CEP70: variants seen among roughly 807,000 people sequenced by gnomAD.
The protein encoded by CEP70 is centrosomal protein 70.
In CEP70, 70 loss-of-function variants were observed where a neutral mutation model predicts 90.9. That is an observed-to-expected ratio of 0.77 (90% CI 0.64 to 0.94). The LOEUF is 0.94. Among genes scored for constraint, CEP70 ranks in the 40% least tolerant of loss-of-function variants. The probability of loss-of-function intolerance (pLI) is 0.00; values close to 1 mark genes in which losing one functional copy is unlikely to be tolerated. For missense variants in CEP70, 648 were observed against 669.0 expected (o/e 0.97, Z 0.35); for synonymous variants, 220 against 228.3 (o/e 0.96, Z 0.33).
intron 12 of CEP70, among the ~76,000 whole-genome samples, chr3:138,507,707 T>G (rs1389316662): frequency 4.6e-5 from 7 of 152,136 alleles, no homozygotes; most frequent in Non-Finnish European, 8.8e-5. Flanking sequence ...ATGAGTGACG[T>G]AAGGATGAAT....
rs1354846107 is a variant in CEP70 at position 138,498,046 on chromosome 3, G to C, written c.1717C>G (p.Leu573Val). 1 of 1,612,576 alleles carries C rather than the reference G, an allele frequency of 6.2e-7. No individual in the cohort carries two copies. The highest frequency in any genetic ancestry group is 2.2e-5 in the East Asian group (1 of 44,764). Residue 573 changes from leucine to valine, a missense_variant, in exon 17 of 18, where the codon CTA becomes GTA. Coordinates refer to ENST00000264982, the MANE Select transcript of CEP70 (RefSeq NM_024491.4). ...FPAFQAFTND[L>V]LEILEIDDLD... is the part of the protein sequence containing the mutation. Reference sequence around the variant, plus strand: ...GAGATCTTACCTAAGATTTCAAGTAGATCATTAGTAAATGCCTGAAATGCT... The same window carrying C: ...GAGATCTTACCTAAGATTTCAAGTACATCATTAGTAAATGCCTGAAATGCT...
intron 11 of CEP70, among the ~76,000 whole-genome samples, chr3:138,523,680 C>T (rs1327618421): frequency 2.6e-5 from 4 of 152,082 alleles, no homozygotes; most frequent in African/African-American, 9.7e-5. Flanking sequence ...ACGTGAAGGA[C>T]CTCTTCAAGG....
At chr3:138,580,378 T>C (rs1159930145) in intron 2 of CEP70, among the ~76,000 whole-genome samples, 2 of 152,104 alleles carry the variant, frequency 1.3e-5, no homozygotes, top group Non-Finnish European at 2.9e-5. Flanking sequence ...TGCCTGGTAA[T>C]CCAAAGAATT....
intron 12 of CEP70, among the ~76,000 whole-genome samples, chr3:138,507,930 G>A (rs1474053476): frequency 2.0e-5 from 3 of 152,256 alleles, no homozygotes; most frequent in East Asian, 3.9e-4. Flanking sequence ...TAAAATGTGA[G>A]TGAAAGTCCA....
At position 138,500,877 on chromosome 3, in the gene CEP70, A is replaced by C; in HGVS notation, c.1226T>G (p.Leu409Trp). The change falls in exon 14 of 18, where the codon TTG becomes TGG. Residue 409 changes from leucine to tryptophan, a missense_variant. Coordinates refer to ENST00000264982, the MANE Select transcript of CEP70 (RefSeq NM_024491.4). ...AGATAGTGTTTTCAAGGACTTATAC[A>C]AATCCTTTATAACAAAAGAAACTAT... ...WADQLTSLKD[L>W]YKSLKTLSAE... 6.6e-7 allele frequency: 1 copy of C among 1,515,540 alleles called. No homozygotes were observed. Among genetic ancestry groups the C allele is most frequent in the East Asian group, 2.4e-5 (1 of 42,270 alleles). The allele number at this position is 1,515,540 out of a possible 1,614,324, so 93.9% of individuals were successfully genotyped here. A position where few individuals can be genotyped will look rare whatever the true frequency, so the allele number is the denominator to read the frequency against.
chr3:138,557,146 G>A (rs2040071490), intron 6 of CEP70, among the ~76,000 whole-genome samples: 1 of 152,170 alleles, frequency 6.6e-6, no homozygotes, highest in Admixed American at 6.5e-5. Flanking sequence ...AAAGAATTCA[G>A]TGATATTTCT....
rs771204790 is a variant in CEP70 at position 138,537,349 on chromosome 3, TATAAG to T, written c.466-7_466-3del. On this transcript the variant is annotated splice_polypyrimidine_tract_variant and splice_region_variant and intron_variant, in intron 6 of 17. Coordinates refer to ENST00000264982, the MANE Select transcript of CEP70 (RefSeq NM_024491.4). ...TTTCTTATAATGCTGGCACTTCACC[TATAAG>T]ATATTTTTTAAAAACATGATTATGA... The T allele has an allele frequency of 6.4e-6, 10 of 1,568,126 alleles. No individual in the cohort carries two copies. In the Admixed American group the frequency reaches 9.7e-5, roughly 15 times the overall value.
intron 2 of CEP70, among the ~76,000 whole-genome samples, chr3:138,585,116 A>G (rs1163282637): frequency 1.3e-5 from 2 of 152,158 alleles, no homozygotes; most frequent in Non-Finnish European, 2.9e-5. Flanking sequence ...CCTTGTTTGC[A>G]GGTGACATGA....
At chr3:138,528,039 T>C (rs932564021) in intron 10 of CEP70, among the ~76,000 whole-genome samples, 1 of 151,116 alleles carries the variant, frequency 6.6e-6, no homozygotes, top group Non-Finnish European at 1.5e-5. Context: ...ACTGAATCTA[T>C]TTGAAGTTTT....
At chr3:138,573,904 T>C (rs967883689) in intron 2 of CEP70, among the ~76,000 whole-genome samples, 4 of 152,132 alleles carry the variant, frequency 2.6e-5, no homozygotes, top group Non-Finnish European at 2.9e-5. Context: ...CAGAAGTATA[T>C]AATTTTCTAA....
chr3:138,567,531 G>C (rs2040874908), intron 6 of CEP70, among the ~76,000 whole-genome samples: 1 of 152,152 alleles, frequency 6.6e-6, no homozygotes, highest in Admixed American at 6.5e-5. Context: ...AATCTGTATA[G>C]AAATTTATCC....
intron 6 of CEP70, among the ~76,000 whole-genome samples, chr3:138,547,985 T>A (rs1412590459): frequency 6.6e-6 from 1 of 152,184 alleles, no homozygotes; most frequent in Non-Finnish European, 1.5e-5. Context: ...GGGGAACTAC[T>A]GTATACAAAA....
At chr3:138,537,756 T>C (rs1171489269) in intron 6 of CEP70, among the ~76,000 whole-genome samples, 2 of 152,208 alleles carry the variant, frequency 1.3e-5, no homozygotes, top group Non-Finnish European at 2.9e-5. Context: ...GACTGCAAAC[T>C]CACAGTAAGT....
rs369225652 is a variant in CEP70 at position 138,505,420 on chromosome 3, C to G, written c.1096G>C (p.Val366Leu). 1.7e-5 allele frequency: 27 copies of G among 1,610,140 alleles called. No individual in the cohort carries two copies. The African/African-American group carries it at 2.7e-4, about 16-fold the overall frequency. Residue 366 changes from valine to leucine, a missense_variant, in exon 13 of 18, where the codon GTA (valine) becomes CTA (leucine). Physicochemically the swap from Val to Leu is conservative, Grantham distance 32 (BLOSUM62 1). Coordinates refer to ENST00000264982, the MANE Select transcript of CEP70 (RefSeq NM_024491.4). ...NSIIHNPRAP[V>L]IIYKQTKGGV... ...CCTTTGGTCTGTTTATAAATTATTA[C>G]TGGAGCTCTTGGATTGTGGATAATT...
intron 11 of CEP70, among the ~76,000 whole-genome samples, chr3:138,516,701 C>T (rs1300317059): frequency 6.6e-6 from 1 of 152,132 alleles, no homozygotes; most frequent in African/African-American, 2.4e-5. Flanking sequence ...TATTTTAACC[C>T]AGTATGTAAT....
intron 6 of CEP70, among the ~76,000 whole-genome samples, chr3:138,559,657 G>A (rs1437624858): frequency 3.9e-5 from 6 of 152,266 alleles, no homozygotes; most frequent in East Asian, 3.9e-4. Context: ...CCCAGGAGGC[G>A]GAGGGTGCAG....
chr3:138,533,935 C>T (rs1262453823), intron 7 of CEP70, among the ~76,000 whole-genome samples: 1 of 152,102 alleles, frequency 6.6e-6, no homozygotes, highest in Non-Finnish European at 1.5e-5. Flanking sequence ...CAGGCGCCTG[C>T]CACCACGCCC....
intron 2 of CEP70, among the ~76,000 whole-genome samples, chr3:138,581,143 G>A (rs1429793498): frequency 6.6e-6 from 1 of 151,906 alleles, no homozygotes; most frequent in Non-Finnish European, 1.5e-5. Flanking sequence ...AAATTAGCTG[G>A]GCATGGTGGC....
rs116002896 is a variant in CEP70, at chr3:138,561,046, G to A, written c.465+9272C>T. Among the ~76,000 whole-genome samples, 433 of 152,228 alleles carry A rather than the reference G, an allele frequency of 2.8e-3. 4 individuals are homozygous for A. The highest frequency in any genetic ancestry group is 0.01 in the African/African-American group (418 of 41,536). ...TCAGAGCGTTCGAGCTCTGCTAAAGGTCAAACTAACTCCTCAAGTGGATCA... is the reference window on the plus strand; with the variant it reads ...TCAGAGCGTTCGAGCTCTGCTAAAGATCAAACTAACTCCTCAAGTGGATCA... On this transcript the variant is annotated intron_variant, in intron 6 of 17. Coordinates refer to ENST00000264982, the MANE Select transcript of CEP70 (RefSeq NM_024491.4).
Sources: gnomAD v4.1 joint callset for allele counts (sites outside exome capture counted in the v4.1 genomes callset) on GRCh38, gnomAD v4.1.1 for gene constraint, MANE v1.5 for transcripts, NCBI Gene and HGNC (gene_info 2026-07-23, HGNC 2026-07-21) for gene names.